The following PSMD6 variants were observed in gnomAD, a reference collection of about 807,000 sequenced individuals.
The protein encoded by PSMD6 is 26S proteasome non-ATPase regulatory subunit 6.
Under a neutral mutation model 44.9 loss-of-function variants are expected in PSMD6, and 7 were observed. The ratio of observed to expected loss-of-function variants is 0.16; its 90% confidence interval spans 0.09 to 0.29. The LOEUF (loss-of-function observed/expected upper bound fraction) is 0.29, where lower values mean the gene tolerates loss of function less well. Among genes scored for constraint, PSMD6 ranks in the 10% least tolerant of loss-of-function variants. PSMD6 has a pLI of 1.00. For synonymous variants in PSMD6, 184 were observed against 172.7 expected (o/e 1.07, Z -0.51); for missense variants, 420 against 482.6 (o/e 0.87, Z 1.21).
At chr3:64,010,798 A>G (rs776717867) in intron 7 of PSMD6, 34 bp from the exon 8 acceptor site, 129 of 1,580,876 alleles carry the variant, frequency 8.2e-5, no homozygotes, top group Non-Finnish European at 1.1e-4. Flanking sequence ...TGAATTATTT[A>G]CCAGTCACAT....
rs758868081 is a variant in PSMD6 at position 64,010,673 on chromosome 3, T to TATTA, written c.1161_1164dup (p.Met389Ter). The TATTA allele has an allele frequency of 1.1e-5, 17 of 1,581,796 alleles. No homozygotes were observed. Among genetic ancestry groups the TATTA allele is most frequent in the South Asian group, 1.0e-4 (9 of 89,008 alleles). On this transcript the variant is annotated stop_gained and frameshift_variant, in exon 8 of 8. Transcript: ENST00000295901. LOFTEE classifies it high-confidence loss of function. ...CCTTTGTTAGTTACATGGCTTTACATATTAATTACTCTGGAAAGTTTTTGA... is the reference window on the plus strand; with the variant it reads ...CCTTTGTTAGTTACATGGCTTTACATATTAATTAATTACTCTGGAAAGTTTTTGA...
chr3:64,011,996 G>C (rs2075964076), intron 6 of PSMD6: 1 of 152,068 alleles, frequency 6.6e-6, no homozygotes, highest in African/African-American at 2.4e-5. Context: ...TCACAGACTA[G>C]AATTGAGAAA....
At chr3:64,023,616 C>A (rs966878024), upstream of PSMD6, 14 of 1,417,156 alleles carry the variant, frequency 9.9e-6, no homozygotes, top group African/African-American at 1.5e-5. Flanking sequence ...TGTGTGGTCA[C>A]GGGGGCTTTT....
intron 2 of PSMD6, among the ~76,000 whole-genome samples, chr3:64,021,653 A>G (rs1387136668): frequency 6.6e-6 from 1 of 152,104 alleles, no homozygotes; most frequent in African/African-American, 2.4e-5. Context: ...TACTAATAAT[A>G]CAAAAAAATT....
At position 64,019,365 on chromosome 3, in the gene PSMD6, T is replaced by C. The variant is rs765998855; in HGVS notation, c.428A>G (p.Tyr143Cys). The change falls in exon 3 of 8, where the codon TAT (tyrosine) becomes TGT (cysteine). Residue 143 changes from tyrosine to cysteine, a missense_variant. By Grantham distance (194) the Tyr-to-Cys change is radical. Coordinates refer to ENST00000295901, the MANE Select transcript of PSMD6 (RefSeq NM_014814.3). ...ATAAAATAAGCCAATCCTAAGGAGA[T>C]AGAATACAATATCCAATCGGTGACC... ...ALGHRLDIVFYLLRIGLFYMD... is the reference protein window; with the variant it reads ...ALGHRLDIVFCLLRIGLFYMD... 1.9e-6 allele frequency: 3 copies of C among 1,605,748 alleles called. No homozygotes were observed. Among genetic ancestry groups the C allele is most frequent in the South Asian group, 2.2e-5 (2 of 90,916 alleles).
chr3:64,023,471 G>A lies in PSMD6; in HGVS notation c.-52C>T. 5 of 1,506,774 alleles carry A rather than the reference G, an allele frequency of 3.3e-6. No homozygotes were observed. The highest frequency in any genetic ancestry group is 1.8e-4 in the Middle Eastern group (1 of 5,610). 93.3% of individuals were successfully genotyped at this position (1,506,774 alleles called of 1,614,324 possible). On this transcript the variant is annotated 5_prime_UTR_variant, in exon 1 of 8. Coordinates refer to ENST00000295901, the MANE Select transcript of PSMD6 (RefSeq NM_014814.3). ...GGACACAACTTGGTTACGACCGGCT[G>A]CGGCAGCGGAAGCGGGAGGAGTCGG...
intron 5 of PSMD6, chr3:64,017,326 C>T (rs545064482): frequency 5.3e-5 from 8 of 152,110 alleles, no homozygotes; most frequent in African/African-American, 1.4e-4. Context: ...AAGGAGGGGG[C>T]ATACAATAAC....
intron 6 of PSMD6, chr3:64,012,604 C>G (rs1177546930): frequency 6.6e-6 from 1 of 151,602 alleles, no homozygotes; most frequent in African/African-American, 2.4e-5. Context: ...CATTACCTAC[C>G]TAACTCTCCA....
intron 5 of PSMD6, 49 bp downstream of exon 5, chr3:64,018,550 C>G (rs1307816990): frequency 7.4e-7 from 1 of 1,360,146 alleles, no homozygotes; most frequent in East Asian, 2.3e-5. Flanking sequence ...CACATAGGAT[C>G]AGGAGTAAGA....
At position 64,023,435 on chromosome 3, in the gene PSMD6, A is replaced by G; in HGVS notation, c.-16T>C. The G allele has an allele frequency of 1.9e-6, 3 of 1,586,880 alleles. No homozygotes were observed. The highest frequency in any genetic ancestry group is 2.6e-6 in the Non-Finnish European group (3 of 1,162,654). The stretch of plus-strand genomic sequence containing the variant: ...CCAGCGGCATCGCGGCGAAGGGGAC[A>G]GCGGCTGACAGGACACAACTTGGTT... On this transcript the variant is annotated 5_prime_UTR_variant, in exon 1 of 8. Coordinates refer to ENST00000295901, the MANE Select transcript of PSMD6 (RefSeq NM_014814.3).
chr3:64,023,325 C>T lies in PSMD6; in HGVS notation c.95G>A (p.Arg32His). Residue 32 changes from arginine (R) to histidine (H), a missense_variant, in exon 1 of 8, where the codon CGC (arginine) becomes CAC (histidine). Physicochemically the swap from Arg to His is conservative, Grantham distance 29 (BLOSUM62 0). Transcript: ENST00000295901. ...CTCGTCGCGCACGGCAGCGTCTCCG[C>T]GGTGCTCGGGCAGGCTGAGCAGGAA... ...LRFLLSLPEH[R>H]GDAAVRDELM... is the part of the protein sequence containing the mutation. 1.2e-6 allele frequency: 2 copies of T among 1,601,722 alleles called. No individual in the cohort carries two copies. Among genetic ancestry groups the T allele is most frequent in the Non-Finnish European group, 1.7e-6 (2 of 1,174,606 alleles).
Position 64,015,386 on chromosome 3 carries a change from A to G in PSMD6, c.827-1779T>C, listed in dbSNP as rs148162670. 2.6e-5 allele frequency: 4 copies of G among 152,360 alleles called. No homozygotes were observed. The East Asian group carries it at 5.8e-4, about 22-fold the overall frequency. The allele number at this position is 152,360 out of a possible 1,614,324, so 9.4% of individuals were successfully genotyped here. ...TGGAGTGTTCAAAACAGGGTTGCTT[A>G]TAATAGGGCAAAACTGGAAACGACC... On this transcript the variant is annotated intron_variant, in intron 5 of 7. Coordinates refer to ENST00000295901, the MANE Select transcript of PSMD6 (RefSeq NM_014814.3).
At chr3:64,020,837 C>T (rs2076117439) in intron 2 of PSMD6, among the ~76,000 whole-genome samples, 1 of 152,176 alleles carries the variant, frequency 6.6e-6, no homozygotes, top group Non-Finnish European at 1.5e-5. Context: ...CAATCTGATT[C>T]AAGAGCTCAT....
Position 64,019,418 on chromosome 3 carries a change from G to C in PSMD6, c.375C>G (p.Arg125=), listed in dbSNP as rs781268374. 4 of 1,612,760 alleles carry C rather than the reference G, an allele frequency of 2.5e-6. No individual in the cohort carries two copies. The highest frequency in any genetic ancestry group is 3.4e-6 in the Non-Finnish European group (4 of 1,179,558). ...GGGCCACAGTTTTGTCATATGTCTT[G>C]CGAAAGGCTGTCAGAGCTCCCTCCT... The part of the protein sequence containing the change: ...GDKEGALTAF[R]KTYDKTVALG... Residue 125 remains arginine (R), a synonymous_variant, in exon 3 of 8, where the codon CGC becomes CGG. Transcript: ENST00000295901.
At chr3:64,011,814 C>T (rs75935796) in intron 6 of PSMD6, 6 of 152,260 alleles carry the variant, frequency 3.9e-5, no homozygotes, top group Non-Finnish European at 7.3e-5. Context: ...ACTGAAGAGA[C>T]GTAACCTGAC....
At chr3:64,013,841 G>C (rs1428939069) in intron 5 of PSMD6, 3 of 360,406 alleles carry the variant, frequency 8.3e-6, no homozygotes, top group Non-Finnish European at 1.5e-5. Context: ...CACTATCAGA[G>C]CTCAGCTTCT....
intron 5 of PSMD6, chr3:64,014,703 G>C (rs1239471628): frequency 6.6e-6 from 1 of 152,166 alleles, no homozygotes; most frequent in Non-Finnish European, 1.5e-5. Context: ...TTAGTGTTGG[G>C]GGTGAGGGTG....
At chr3:64,018,504 T>C (rs955303982) in intron 5 of PSMD6, 95 bp downstream of exon 5, 22 of 903,662 alleles carry the variant, frequency 2.4e-5, no homozygotes, top group Non-Finnish European at 3.6e-5. Context: ...CACACTACAT[T>C]TCTCAGATAG....
chr3:64,023,301 TCGTCGCGCACGGCAG>T lies in PSMD6; in HGVS notation c.104_118del (p.Ala35_Asp39del). The stretch of plus-strand genomic sequence containing the variant: ...GTTATCGCGGACGGCCGCCATCAGC[TCGTCGCGCACGGCAG>T]CGTCTCCGCGGTGCTCGGGCAGGCT... On this transcript the variant is annotated inframe_deletion, in exon 1 of 8. Transcript: ENST00000295901. 6.3e-7 allele frequency: 1 copy of T among 1,582,848 alleles called. No homozygotes were observed. The highest frequency in any genetic ancestry group is 8.6e-7 in the Non-Finnish European group (1 of 1,165,360).
Sources: allele counts gnomAD v4.1 joint callset (sites outside exome capture counted in the v4.1 genomes callset), GRCh38; gene constraint gnomAD v4.1.1; transcripts MANE v1.5; gene names NCBI Gene and HGNC (gene_info 2026-07-23, HGNC 2026-07-21).